The following DGKB variants were observed in gnomAD, a reference collection of about 807,000 sequenced individuals.
The protein encoded by DGKB is diacylglycerol kinase beta.
In DGKB, 67 loss-of-function variants were observed where a neutral mutation model predicts 114.3. The observed-to-expected ratio is 0.59, with a 90% CI of 0.48 to 0.72. The LOEUF (loss-of-function observed/expected upper bound fraction) is 0.72, where lower values mean the gene tolerates loss of function less well. Among genes scored for constraint, DGKB ranks in the 30% least tolerant of loss-of-function variants. The pLI is 0.00. For missense variants in DGKB, 907 were observed against 975.2 expected (o/e 0.93, Z 0.93); for synonymous variants, 398 against 323.1 (o/e 1.23, Z -2.49).
intron 1 of DGKB, among the ~76,000 whole-genome samples, chr7:14,946,358 T>C (rs1453719491): frequency 6.6e-6 from 1 of 151,742 alleles, no homozygotes; most frequent in Non-Finnish European, 1.5e-5. Flanking sequence ...TCCATTTCCT[T>C]AAGTACATCT....
intron 23 of DGKB, among the ~76,000 whole-genome samples, chr7:14,250,585 T>G (rs1328602508): frequency 1.3e-5 from 2 of 152,134 alleles, no homozygotes; most frequent in Non-Finnish European, 2.9e-5. Flanking sequence ...TGGAGAATAT[T>G]CTGTGTGCCC....
chr7:14,841,046 T>A, intron 2 of DGKB, 148 bp downstream of exon 2: 2 of 608,166 alleles, frequency 3.3e-6, no homozygotes, highest in Non-Finnish European at 2.8e-6. Flanking sequence ...AAAAAGGTAG[T>A]CTCAAGTCAA....
chr7:14,214,837 A>C (rs1345371661), intron 23 of DGKB, among the ~76,000 whole-genome samples: 1 of 152,126 alleles, frequency 6.6e-6, no homozygotes, highest in East Asian at 1.9e-4. Context: ...GAATAAGACT[A>C]AGGGAATACA....
chr7:14,182,218 A>ATTTTATTTT (rs1259672512), intron 23 of DGKB, among the ~76,000 whole-genome samples: 1 of 151,808 alleles, frequency 6.6e-6, no homozygotes, highest in Admixed American at 6.6e-5. Flanking sequence ...AACACATTAA[A>ATTTTATTTT]TTTTATTTTT....
intron 1 of DGKB, among the ~76,000 whole-genome samples, chr7:14,931,294 T>G (rs1303587202): frequency 6.6e-6 from 1 of 152,022 alleles, no homozygotes; most frequent in Non-Finnish European, 1.5e-5. Flanking sequence ...GTATTTTTAG[T>G]AGAGAAAGAG....
intron 23 of DGKB, among the ~76,000 whole-genome samples, chr7:14,190,235 A>G (rs1340850598): frequency 6.6e-6 from 1 of 152,200 alleles, no homozygotes; most frequent in African/African-American, 2.4e-5. Flanking sequence ...TTAACAAAAT[A>G]AAATTTTGGA....
rs556155093 is a variant in DGKB, at chr7:14,399,836, A to G, written c.1836-54445T>C. On this transcript the variant is annotated intron_variant, in intron 21 of 25. Coordinates refer to ENST00000402815, the MANE Select transcript of DGKB (RefSeq NM_001350709.2). ...GAACAGACTATTCTGAAGCCTTTGA[A>G]TCTAACAAAATGACAAAATGAAAGT... 1.2e-4 allele frequency among the ~76,000 whole-genome samples: 18 copies of G among 152,020 alleles called. No homozygotes were observed. In the East Asian group the frequency reaches 3.5e-3, roughly 29 times the overall value.
At chr7:14,729,159 G>T (rs1015209081) in intron 5 of DGKB, among the ~76,000 whole-genome samples, 102 of 110,858 alleles carry the variant, frequency 9.2e-4, no homozygotes, top group Admixed American at 2.0e-3. Context: ...GTCTCACTCT[G>T]TTGCCCAGGC....
At chr7:14,255,028 A>G (rs1400800590) in intron 23 of DGKB, among the ~76,000 whole-genome samples, 1 of 152,216 alleles carries the variant, frequency 6.6e-6, no homozygotes, top group Admixed American at 6.5e-5. Flanking sequence ...TCATTATAGT[A>G]ACGATATAAA....
intron 1 of DGKB, among the ~76,000 whole-genome samples, chr7:14,910,986 G>A (rs1347779462): frequency 6.6e-6 from 1 of 151,852 alleles, no homozygotes; most frequent in African/African-American, 2.4e-5. Context: ...TCTATCTCAA[G>A]CACATGCATA....
chr7:14,683,713 C>T (rs1308204273), intron 10 of DGKB, among the ~76,000 whole-genome samples: 2 of 151,838 alleles, frequency 1.3e-5, no homozygotes, highest in Admixed American at 6.6e-5. Context: ...AAAAACTAAC[C>T]ACTGCCTCAA....
At chr7:14,713,579 T>C (rs1173465933) in intron 6 of DGKB, among the ~76,000 whole-genome samples, 1 of 150,726 alleles carries the variant, frequency 6.6e-6, no homozygotes, top group African/African-American at 2.4e-5. Flanking sequence ...AAATTATGGA[T>C]TTTAGTAATA....
chr7:14,619,831 A>G lies in DGKB; in HGVS notation c.1284+1547T>C, dbSNP rs1807274300. On this transcript the variant is annotated intron_variant, in intron 15 of 25. Transcript: ENST00000402815. ...GTTTATTGAGAGAATTAAACAAGCT[A>G]ATATGTATAAAATACCATCATAATG... is the stretch of plus-strand genomic sequence containing the variant. 3.3e-5 allele frequency among the ~76,000 whole-genome samples: 5 copies of G among 151,788 alleles called. No homozygotes were observed. In the South Asian group the frequency reaches 1.0e-3, roughly 31 times the overall value.
At chr7:14,539,389 T>C (rs1471749943) in intron 20 of DGKB, among the ~76,000 whole-genome samples, 2 of 152,124 alleles carry the variant, frequency 1.3e-5, no homozygotes, top group Non-Finnish European at 2.9e-5. Flanking sequence ...TGAAATAAGA[T>C]ACATGAAGTA....
At chr7:14,725,623 C>A (rs963774646) in intron 5 of DGKB, among the ~76,000 whole-genome samples, 5 of 151,508 alleles carry the variant, frequency 3.3e-5, no homozygotes, top group Non-Finnish European at 4.4e-5. Context: ...GGCATGTTCA[C>A]TACAACCTCC....
chr7:14,583,113 A>G lies in DGKB; in HGVS notation c.1458T>C (p.Pro486=), dbSNP rs905245926. The G allele has an allele frequency of 3.7e-6, 6 of 1,612,554 alleles. No homozygotes were observed. The highest frequency in any genetic ancestry group is 5.1e-6 in the Non-Finnish European group (6 of 1,179,286). The change falls in exon 18 of 26, where the codon CCT becomes CCC. Residue 486 remains proline (P), a synonymous_variant. Transcript: ENST00000402815. The part of the protein sequence containing the change: ...MPGLNFFRDV[P]DFRVLACGGD... The stretch of plus-strand genomic sequence containing the variant: ...CACCACAGGCTAACACTCTGAAGTC[A>G]GGAACATCACGGAAAAAGTTTAACC...
At chr7:14,612,290 C>T (rs2128794340) in intron 16 of DGKB, among the ~76,000 whole-genome samples, 1 of 151,984 alleles carries the variant, frequency 6.6e-6, no homozygotes, top group African/African-American at 2.4e-5. Context: ...TTGCCTCAGC[C>T]TCCCAAGTAG....
intron 23 of DGKB, among the ~76,000 whole-genome samples, chr7:14,314,502 C>T (rs1021020517): frequency 2.7e-4 from 41 of 151,698 alleles, no homozygotes; most frequent in African/African-American, 6.5e-4. Context: ...GCTCAGGAGC[C>T]GATGTGATCA....
intron 13 of DGKB, among the ~76,000 whole-genome samples, chr7:14,651,492 C>A (rs796508122): frequency 0.51 from 69,431 of 137,090 alleles, 18,801 homozygotes; most frequent in Admixed American, 0.64. Flanking sequence ...ATTGATGGGA[C>A]GTATCTCAAA....
Sources: allele counts gnomAD v4.1 joint callset (sites outside exome capture counted in the v4.1 genomes callset), GRCh38; gene constraint gnomAD v4.1.1; transcripts MANE v1.5; gene names NCBI Gene and HGNC (gene_info 2026-07-23, HGNC 2026-07-21).